Variants in SH3TC2 observed in about 807,000 individuals in gnomAD.
The protein encoded by SH3TC2 is SH3 domain and tetratricopeptide repeat-containing protein 2.
A neutral mutation model predicts 124.5 loss-of-function variants in SH3TC2; 87 were observed. That is an observed-to-expected ratio of 0.70 (90% CI 0.59 to 0.84). The LOEUF (loss-of-function observed/expected upper bound fraction) is 0.84. Among genes scored for constraint, SH3TC2 ranks in the 40% least tolerant of loss-of-function variants. The pLI is 0.00. For synonymous variants in SH3TC2, 634 were observed against 628.5 expected (o/e 1.01, Z -0.13); for missense variants, 1,536 against 1,566.4 (o/e 0.98, Z 0.33).
intron 7 of SH3TC2, 50 bp from the exon 8 acceptor site, chr5:149,038,540 C>T: frequency 6.4e-7 from 1 of 1,558,544 alleles, no homozygotes. Flanking sequence ...AACAGCTGAG[C>T]CTCCCATCAC....
Position 149,004,311 on chromosome 5 carries a change from T to A in SH3TC2, c.*400A>T. On this transcript the variant is annotated 3_prime_UTR_variant, in exon 17 of 17. Coordinates refer to ENST00000515425, the MANE Select transcript of SH3TC2 (RefSeq NM_024577.4). ...AGGGGTCTTTCCCTGAGAAAATCGGTGAAGAGCACAAATTCCAATCTGCTT... is the reference window on the plus strand; with the variant it reads ...AGGGGTCTTTCCCTGAGAAAATCGGAGAAGAGCACAAATTCCAATCTGCTT... 5.0e-6 allele frequency: 1 copy of A among 198,476 alleles called. No individual in the cohort carries two copies. Among genetic ancestry groups the A allele is most frequent in the South Asian group, 1.0e-4 (1 of 9,670 alleles). The allele number at this position is 198,476 out of a possible 1,614,324, so 12.3% of individuals were successfully genotyped here.
chr5:149,006,792 C>A, intron 16 of SH3TC2, 89 bp downstream of exon 16: 1 of 1,362,150 alleles, frequency 7.3e-7, no homozygotes, highest in South Asian at 1.2e-5. Flanking sequence ...TTTCTCAGCT[C>A]CACCACAAAG....
Position 149,027,384 on chromosome 5 carries a change from G to A in SH3TC2, c.2348C>T (p.Ala783Val), listed in dbSNP as rs377372640. Residue 783 changes from alanine (A) to valine (V), a missense_variant, in exon 11 of 17, where the codon GCC becomes GTC. Physicochemically the swap from Ala to Val is moderately conservative, Grantham distance 64. This residue lies in a region of SH3TC2 where 1,102 missense variants were observed against 1,098.6 expected (regional missense o/e 1.00). Transcript: ENST00000515425. ...PDGAIHYLSQ[A>V]LVLGQLLGEQ... is the part of the protein sequence containing the mutation. ...ACCCAGCAGCTGCCCTAGCACCAAG[G>A]CCTGGCTCAGGTAGTGGATGGCACC... 1.5e-5 allele frequency: 24 copies of A among 1,614,016 alleles called. No homozygotes were observed. Among genetic ancestry groups the A allele is most frequent in the African/African-American group, 2.7e-5 (2 of 74,962 alleles).
Position 148,999,160 on chromosome 5 carries a change from G to C in SH3TC2, c.*5551C>G, listed in dbSNP as rs1055682340. Among the ~76,000 whole-genome samples, 1 of 152,228 alleles carries C rather than the reference G, an allele frequency of 6.6e-6. No individual in the cohort carries two copies. Among genetic ancestry groups the C allele is most frequent in the African/African-American group, 2.4e-5 (1 of 41,460 alleles). On this transcript the variant is annotated 3_prime_UTR_variant, in exon 17 of 17. Coordinates refer to ENST00000515425, the MANE Select transcript of SH3TC2 (RefSeq NM_024577.4). ...GCTCAGGTCACTCAGTGATGAAAAG[G>C]AGAAAGAGCTTCAGACCCAAGTGTC...
chr5:149,019,276 A>G (rs1753929776), intron 12 of SH3TC2, among the ~76,000 whole-genome samples: 1 of 152,124 alleles, frequency 6.6e-6, no homozygotes. Context: ...CTGTGTCTGT[A>G]GTTGGTCTTT....
At chr5:149,029,816 G>A (rs1754152371) in intron 9 of SH3TC2, among the ~76,000 whole-genome samples, 1 of 152,136 alleles carries the variant, frequency 6.6e-6, no homozygotes, top group Admixed American at 6.5e-5. Flanking sequence ...CAGTGGAACT[G>A]TGGAGGTGAA....
intron 7 of SH3TC2, 121 bp from the exon 8 acceptor site, chr5:149,038,611 T>C: frequency 3.7e-6 from 4 of 1,077,652 alleles, no homozygotes; most frequent in Non-Finnish European, 5.6e-6. Context: ...ACCAGTAACA[T>C]TTCACTCCCC....
Position 149,044,610 on chromosome 5 carries a change from T to A in SH3TC2, c.308A>T (p.Gln103Leu), listed in dbSNP as rs201556724. 2 of 1,614,096 alleles carry A rather than the reference T, an allele frequency of 1.2e-6. No individual in the cohort carries two copies. The highest frequency in any genetic ancestry group is 1.7e-6 in the Non-Finnish European group (2 of 1,179,976). ...GATGAGAAACTGGGCCCTCTGAGAC[T>A]GGATACTGACCAACCTTGCTGAGAG... ...KDLSARLVSI[Q>L]SQRAQFLITF... The change falls in exon 4 of 17, where the codon CAG becomes CTG. Residue 103 changes from glutamine to leucine, a missense_variant. Physicochemically the swap from Gln to Leu is moderately radical, Grantham distance 113 (BLOSUM62 -2). Around this residue, in one of 3 missense-constraint regions of SH3TC2, gnomAD observed 1,102 missense variants for 1,098.6 expected, o/e 1.00. Coordinates refer to ENST00000515425, the MANE Select transcript of SH3TC2 (RefSeq NM_024577.4).
chr5:149,017,352 C>T (rs1011611998), intron 12 of SH3TC2, among the ~76,000 whole-genome samples: 5 of 152,126 alleles, frequency 3.3e-5, no homozygotes, highest in African/African-American at 1.2e-4. Context: ...CCCTAAGATC[C>T]CTCCCATTGA....
chr5:148,994,598 A>G lies in SH3TC2; in HGVS notation c.*10113T>C, dbSNP rs908427102. On this transcript the variant is annotated 3_prime_UTR_variant, in exon 17 of 17. Coordinates refer to ENST00000515425, the MANE Select transcript of SH3TC2 (RefSeq NM_024577.4). ...TGGGTATGTGGGTGGTTGGGTGGTT[A>G]GATGGTTGGTTGGTTGGTTGGTTGG... is the stretch of plus-strand genomic sequence containing the variant. 8.0e-4 allele frequency among the ~76,000 whole-genome samples: 94 copies of G among 116,916 alleles called. No homozygotes were observed. Among genetic ancestry groups the G allele is most frequent in the Admixed American group, 1.2e-3 (14 of 11,480 alleles). 76.7% of individuals were successfully genotyped at this position (116,916 alleles called of 152,430 possible). A position where few individuals can be genotyped will look rare whatever the true frequency, so the allele number is the denominator to read the frequency against.
At chr5:149,040,959 C>T (rs1398252266) in intron 6 of SH3TC2, among the ~76,000 whole-genome samples, 1 of 152,188 alleles carries the variant, frequency 6.6e-6, no homozygotes, top group African/African-American at 2.4e-5. Flanking sequence ...CAGAGCCACA[C>T]AGGTCCATGG....
At chr5:149,052,971 C>A (rs990738701) in intron 1 of SH3TC2, among the ~76,000 whole-genome samples, 2 of 152,224 alleles carry the variant, frequency 1.3e-5, no homozygotes, top group African/African-American at 2.4e-5. Flanking sequence ...CAAAACACAA[C>A]AAGGAAACTC....
In SH3TC2 at chr5:149,004,629, C is replaced by A; in HGVS notation, c.*82G>T. The A allele has an allele frequency of 1.4e-6, 2 of 1,481,038 alleles. No individual in the cohort carries two copies. The highest frequency in any genetic ancestry group is 1.8e-6 in the Non-Finnish European group (2 of 1,087,112). The allele number at this position is 1,481,038 out of a possible 1,614,324, so 91.7% of individuals were successfully genotyped here. On this transcript the variant is annotated 3_prime_UTR_variant, in exon 17 of 17. Coordinates refer to ENST00000515425, the MANE Select transcript of SH3TC2 (RefSeq NM_024577.4). The stretch of plus-strand genomic sequence containing the variant: ...GGCTAGGCCAGGTAAGGACTCGGAC[C>A]CTCCCAATGAGTATTTAAGAGCCTA...
At chr5:149,019,072 A>G (rs926358447) in intron 12 of SH3TC2, among the ~76,000 whole-genome samples, 22 of 152,200 alleles carry the variant, frequency 1.4e-4, no homozygotes, top group African/African-American at 5.3e-4. Flanking sequence ...TGTCCATTAC[A>G]TCAAGACCCA....
At chr5:149,014,449 C>T (rs190362244) in intron 12 of SH3TC2, among the ~76,000 whole-genome samples, 63 of 152,308 alleles carry the variant, frequency 4.1e-4, no homozygotes, top group Non-Finnish European at 7.3e-5. Context: ...CTCTCAGCCA[C>T]CAGGCCCCTT....
intron 3 of SH3TC2, 174 bp from the exon 4 acceptor site, chr5:149,044,812 A>T (rs533103638): frequency 1.1e-4 from 67 of 601,398 alleles, no homozygotes; most frequent in African/African-American, 9.8e-4. Context: ...AAAATGGAGT[A>T]CAATTTATCC....
At position 149,011,516 on chromosome 5, in the gene SH3TC2, C is replaced by T. The variant is rs574639825; in HGVS notation, c.3204+1068G>A. Among the ~76,000 whole-genome samples, 15 of 152,318 alleles carry T rather than the reference C, an allele frequency of 9.8e-5. No individual in the cohort carries two copies. The South Asian group carries it at 2.9e-3, about 29-fold the overall frequency. The stretch of plus-strand genomic sequence containing the variant: ...TCACACTGTGTGCAGTTCTCAGCTC[C>T]ACCACTTACCAGTTGTATCACCTTG... On this transcript the variant is annotated intron_variant, in intron 13 of 16. Coordinates refer to ENST00000515425, the MANE Select transcript of SH3TC2 (RefSeq NM_024577.4).
chr5:149,060,102 T>C (rs762182170), intron 1 of SH3TC2, among the ~76,000 whole-genome samples: 5 of 152,218 alleles, frequency 3.3e-5, no homozygotes, highest in Admixed American at 6.5e-5. Context: ...GAAAGGAAAG[T>C]TACAAGCACC....
chr5:149,014,172 A>G (rs1377765001), intron 12 of SH3TC2, among the ~76,000 whole-genome samples: 1 of 152,176 alleles, frequency 6.6e-6, no homozygotes, highest in Non-Finnish European at 1.5e-5. Context: ...TTTGTGGCCC[A>G]CCTGCATCAG....
Sources: gnomAD v4.1 joint callset for allele counts (sites outside exome capture counted in the v4.1 genomes callset) on GRCh38, gnomAD v4.1.1 for gene constraint, gnomAD v4.1.1 regional missense constraint, MANE v1.5 for transcripts, NCBI Gene and HGNC (gene_info 2026-07-23, HGNC 2026-07-21) for gene names.